PAX3: variants seen among roughly 807,000 people sequenced by gnomAD.
PAX3 encodes the protein paired box protein Pax-3.
In PAX3, 14 loss-of-function variants were observed where a neutral mutation model predicts 51.6. That is an observed-to-expected ratio of 0.27 (90% CI 0.18 to 0.42). The LOEUF (loss-of-function observed/expected upper bound fraction) is 0.42. Among genes scored for constraint, PAX3 ranks in the 10% least tolerant of loss-of-function variants. The pLI, the probability that PAX3 is intolerant of heterozygous loss-of-function variation, is 1.00. For synonymous variants in PAX3, 280 were observed against 253.4 expected, an observed-to-expected ratio of 1.11 and a Z score of -1.00; for missense variants, 540 against 642.8, an observed-to-expected ratio of 0.84 and a Z score of 1.73.
intron 4 of PAX3, among the ~76,000 whole-genome samples, chr2:222,256,707 A>G (rs1574702305): frequency 6.6e-6 from 1 of 152,336 alleles, no homozygotes; most frequent in East Asian, 1.9e-4. Context: ...AAACATCATA[A>G]AGTGAATAAT....
intron 7 of PAX3, among the ~76,000 whole-genome samples, chr2:222,210,866 T>G (rs1174604136): frequency 1.3e-5 from 2 of 152,106 alleles, no homozygotes; most frequent in Non-Finnish European, 2.9e-5. Flanking sequence ...TTGTCAGAGA[T>G]TCACATAATT....
chr2:222,266,376 A>G (rs756445111), intron 4 of PAX3, among the ~76,000 whole-genome samples: 2 of 152,206 alleles, frequency 1.3e-5, no homozygotes, highest in Non-Finnish European at 2.9e-5. Flanking sequence ...CTGTATATTC[A>G]TATAGTCTTT....
intron 4 of PAX3, among the ~76,000 whole-genome samples, chr2:222,277,276 A>G (rs568647218): frequency 1.3e-5 from 2 of 152,260 alleles, no homozygotes; most frequent in Non-Finnish European, 2.9e-5. Context: ...CTGGCCAGGG[A>G]GGGCCAGAGG....
intron 4 of PAX3, among the ~76,000 whole-genome samples, chr2:222,232,593 G>A (rs370519153): frequency 6.6e-6 from 1 of 152,034 alleles, no homozygotes; most frequent in Admixed American, 6.6e-5. Flanking sequence ...ATTGCTCATA[G>A]CATCTGTCAT....
intron 4 of PAX3, among the ~76,000 whole-genome samples, chr2:222,279,330 T>TGTGTGTGTGG (rs372245266): frequency 6.7e-6 from 1 of 149,670 alleles, no homozygotes; most frequent in East Asian, 2.0e-4. Flanking sequence ...TGTGTGTGTG[T>TGTGTGTGTGG]GGTGTAGTAG....
chr2:222,231,946 C>T, intron 5 of PAX3, 132 bp downstream of exon 5: 1 of 794,060 alleles, frequency 1.3e-6, no homozygotes, highest in Non-Finnish European at 2.2e-6. Flanking sequence ...AAAGTCCTAA[C>T]AATATGCATC....
At chr2:222,264,406 A>T (rs1693970457) in intron 4 of PAX3, 1 of 152,174 alleles carries the variant, frequency 6.6e-6, no homozygotes, top group Admixed American at 6.5e-5. Flanking sequence ...ATTGGGAAGC[A>T]ATTGCTTAAT....
intron 4 of PAX3, among the ~76,000 whole-genome samples, chr2:222,266,365 C>T (rs1400336458): frequency 6.6e-6 from 1 of 152,148 alleles, no homozygotes; most frequent in Non-Finnish European, 1.5e-5. Flanking sequence ...ACTTGGCACC[C>T]CTGTATATTC....
At chr2:222,244,990 A>G (rs1388255423) in intron 4 of PAX3, among the ~76,000 whole-genome samples, 1 of 152,096 alleles carries the variant, frequency 6.6e-6, no homozygotes, top group South Asian at 2.1e-4. Context: ...TCTAATGAAG[A>G]TACAAAAATT....
chr2:222,234,236 A>G (rs958793767), intron 4 of PAX3, among the ~76,000 whole-genome samples: 1 of 152,182 alleles, frequency 6.6e-6, no homozygotes, highest in Non-Finnish European at 1.5e-5. Context: ...ATAAAACAAA[A>G]GAGAAGTATT....
intron 3 of PAX3, 70 bp from the exon 4 acceptor site, chr2:222,294,371 A>AC (rs370401650): frequency 1.5e-5 from 23 of 1,564,576 alleles, no homozygotes; most frequent in South Asian, 5.6e-5. Flanking sequence ...TGCGGGAAGG[A>AC]CCCCCCACCC....
chr2:222,222,607 T>G (rs1692240295), intron 5 of PAX3, among the ~76,000 whole-genome samples: 1 of 152,144 alleles, frequency 6.6e-6, no homozygotes, highest in African/African-American at 2.4e-5. Context: ...TTTCACCATG[T>G]GGGTCTTGAA....
At chr2:222,249,530 G>A (rs16863570) in intron 4 of PAX3, among the ~76,000 whole-genome samples, 17,608 of 152,198 alleles carry the variant, frequency 0.12, 1,251 homozygotes, top group East Asian at 0.32. Flanking sequence ...TAGCCCAAAA[G>A]TGCAGTGTTA....
chr2:222,224,139 C>A (rs1041059444), intron 5 of PAX3, among the ~76,000 whole-genome samples: 1 of 152,080 alleles, frequency 6.6e-6, no homozygotes, highest in Admixed American at 6.5e-5. Flanking sequence ...AAATAGGTAA[C>A]AAAGACATTG....
intron 4 of PAX3, among the ~76,000 whole-genome samples, chr2:222,273,765 C>CT (rs993608867): frequency 8.0e-5 from 12 of 150,800 alleles, no homozygotes; most frequent in South Asian, 4.2e-4. Flanking sequence ...TTTCTTTTTC[C>CT]TTTTTTTTTC....
At chr2:222,242,322 A>G (rs896103268) in intron 4 of PAX3, 1 of 152,156 alleles carries the variant, frequency 6.6e-6, no homozygotes, top group African/African-American at 2.4e-5. Context: ...ACCATTATGG[A>G]CAAAATTAAC....
chr2:222,234,353 A>G (rs888552417), intron 4 of PAX3, among the ~76,000 whole-genome samples: 1 of 152,214 alleles, frequency 6.6e-6, no homozygotes, highest in Non-Finnish European at 1.5e-5. Context: ...AAAGAAAACT[A>G]GACTTTCTCT....
rs141030989 is a variant in PAX3 at position 222,277,322 on chromosome 2, G to A, written c.586+16845C>T. Among the ~76,000 whole-genome samples, 1,491 of 152,206 alleles carry A rather than the reference G, an allele frequency of 9.8e-3. 9 individuals are homozygous for A. The highest frequency in any genetic ancestry group is 0.014 in the Middle Eastern group (4 of 294). ...CAGAGACTCCTAGACTCTCAGTCTT[G>A]AGACTCTTGAGATCCTCAGAAACAA... On this transcript the variant is annotated intron_variant, in intron 4 of 8. Transcript: ENST00000392070.
At chr2:222,245,103 A>G (rs1453035877) in intron 4 of PAX3, among the ~76,000 whole-genome samples, 1 of 152,172 alleles carries the variant, frequency 6.6e-6, no homozygotes, top group East Asian at 1.9e-4. Context: ...AGCTGAGATC[A>G]TGCCACTGCA....
Sources: gnomAD v4.1 joint callset for allele counts (sites outside exome capture counted in the v4.1 genomes callset) on GRCh38, gnomAD v4.1.1 for gene constraint, MANE v1.5 for transcripts, NCBI Gene and HGNC (gene_info 2026-07-23, HGNC 2026-07-21) for gene names.